Variants in NOTCH2 observed in about 807,000 individuals in gnomAD.
NOTCH2 encodes neurogenic locus notch homolog protein 2.
Under a neutral mutation model 235.8 loss-of-function variants are expected in NOTCH2, and 29 were observed. The observed-to-expected ratio is 0.12, with a 90% confidence interval of 0.09 to 0.17. The LOEUF (loss-of-function observed/expected upper bound fraction) is 0.17. Ranked by LOEUF, NOTCH2 falls within the 10% of genes least tolerant of loss-of-function variation. NOTCH2 has a pLI of 1.00. For synonymous variants in NOTCH2, 1,086 were observed against 1,141.5 expected, an observed-to-expected ratio of 0.95 and a Z score of 0.98; for missense variants, 2,285 against 3,150.2, an observed-to-expected ratio of 0.73 and a Z score of 6.57.
chr1:120,023,175 C>T (rs587607736), intron 2 of NOTCH2, among the ~76,000 whole-genome samples: 9 of 151,986 alleles, frequency 5.9e-5, no homozygotes, highest in East Asian at 5.8e-4. Context: ...TGGTGGCTCA[C>T]GCCTGTAATC....
intron 2 of NOTCH2, among the ~76,000 whole-genome samples, chr1:120,023,207 G>T (rs1653699064): frequency 6.6e-6 from 1 of 151,340 alleles, no homozygotes; most frequent in Non-Finnish European, 1.5e-5. Flanking sequence ...GGAGGCCGAG[G>T]CGGGCAGATC....
rs2101138146 is a variant in NOTCH2 at position 119,912,753 on chromosome 1, A to G, written c.*2553T>C. On this transcript the variant is annotated 3_prime_UTR_variant, in exon 34 of 34. Coordinates refer to ENST00000256646, the MANE Select transcript of NOTCH2 (RefSeq NM_024408.4). ...TCAGAACCCAAATGAGAAAGTGATT[A>G]TCCATCTTACCTTCCCTTTTATTAG... is the stretch of plus-strand genomic sequence containing the variant. The G allele has an allele frequency of 4.3e-6, 1 of 233,628 alleles. No individual in the cohort carries two copies. The highest frequency in any genetic ancestry group is 6.0e-5 in the East Asian group (1 of 16,544). The allele number at this position is 233,628 out of a possible 1,614,324, so 14.5% of individuals were successfully genotyped here.
intron 3 of NOTCH2, among the ~76,000 whole-genome samples, chr1:119,999,959 GAAAGAAAGAAAGA>G (rs1652665047): frequency 1.9e-4 from 24 of 129,424 alleles, no homozygotes; most frequent in East Asian, 4.2e-4. Flanking sequence ...AAGAAAGAAA[GAAAGAAAGAAAGA>G]AAGAAAGGAA....
intron 3 of NOTCH2, among the ~76,000 whole-genome samples, chr1:119,997,636 ACT>A (rs1361302392): frequency 1.3e-5 from 2 of 151,416 alleles, no homozygotes; most frequent in African/African-American, 4.9e-5. Flanking sequence ...GGATCCATCT[ACT>A]CTCTCAGAGC....
Position 119,915,350 on chromosome 1 carries a change from G to A in NOTCH2, c.7372C>T (p.His2458Tyr). ...TTGTTGTGTGGTGGCTCAGACATGT[G>A]TGTCCCAGGTCCCCGCTGACCTCCT... ...AGGGQRGPGT[H>Y]MSEPPHNNMQ... Residue 2458 changes from histidine (H) to tyrosine (Y), a missense_variant, in exon 34 of 34, where the codon CAC (histidine) becomes TAC (tyrosine). This residue lies in a region of NOTCH2 where 504 missense variants were observed against 538.0 expected (regional missense o/e 0.94). Transcript: ENST00000256646. 6.2e-7 allele frequency: 1 copy of A among 1,614,080 alleles called. No homozygotes were observed. Among genetic ancestry groups the A allele is most frequent in the Non-Finnish European group, 8.5e-7 (1 of 1,180,042 alleles).
chr1:120,010,810 C>T (rs1251557558), intron 2 of NOTCH2, among the ~76,000 whole-genome samples: 4 of 151,826 alleles, frequency 2.6e-5, no homozygotes, highest in Non-Finnish European at 5.9e-5. Flanking sequence ...AAACATATGC[C>T]CAGATAATAA....
intron 4 of NOTCH2, among the ~76,000 whole-genome samples, chr1:119,988,995 A>G (rs1412118219): frequency 6.6e-6 from 1 of 152,240 alleles, no homozygotes; most frequent in African/African-American, 2.4e-5. Context: ...TTTTCTTTTT[A>G]TAACTGATTG....
chr1:120,066,018 A>G (rs1655491772), intron 1 of NOTCH2, among the ~76,000 whole-genome samples: 1 of 151,730 alleles, frequency 6.6e-6, no homozygotes. Flanking sequence ...ACATTTAAGG[A>G]AAAAGAGATA....
intron 3 of NOTCH2, among the ~76,000 whole-genome samples, chr1:119,999,944 A>AAAGG (rs1652658903): frequency 3.3e-5 from 4 of 121,736 alleles, no homozygotes; most frequent in African/African-American, 8.2e-5. Flanking sequence ...AGAAAGAAAG[A>AAAGG]AAGAAAGAAA....
intron 1 of NOTCH2, among the ~76,000 whole-genome samples, chr1:120,035,471 G>A (rs1176810227): frequency 2.0e-5 from 3 of 152,182 alleles, no homozygotes; most frequent in Admixed American, 1.3e-4. Context: ...TGCATTCTCT[G>A]CCCAGTTTAT....
At chr1:120,015,354 G>T (rs1452771705) in intron 2 of NOTCH2, among the ~76,000 whole-genome samples, 88 of 152,060 alleles carry the variant, frequency 5.8e-4, no homozygotes, top group East Asian at 7.7e-4. Flanking sequence ...GAGCTCTAGA[G>T]GGGGGAGCTG....
rs1380143830 is a variant in NOTCH2, at chr1:119,926,554, C to G, written c.3950G>C (p.Gly1317Ala). ...CATGTTACTGGCCACAGCACAAGTC[C>G]CTCCATTCAGGCAGGGCATCTGGGG... ...VCPQMPCLNG[G>A]TCAVASNMPD... is the part of the protein sequence containing the mutation. Residue 1317 changes from glycine (G) to alanine (A), a missense_variant, in exon 24 of 34, where the codon GGG becomes GCG. By Grantham distance (60) the Gly-to-Ala change is moderately conservative. Coordinates refer to ENST00000256646, the MANE Select transcript of NOTCH2 (RefSeq NM_024408.4). The G allele has an allele frequency of 3.1e-6, 5 of 1,609,950 alleles. No individual in the cohort carries two copies. Among genetic ancestry groups the G allele is most frequent in the Non-Finnish European group, 4.2e-6 (5 of 1,177,872 alleles).
At position 119,917,098 on chromosome 1, in the gene NOTCH2, G is replaced by A. The variant is rs144654514; in HGVS notation, c.6028-404C>T. 9.7e-3 allele frequency among the ~76,000 whole-genome samples: 1,484 copies of A among 152,206 alleles called. 10 individuals carry two copies. The highest frequency in any genetic ancestry group is 0.015 in the Non-Finnish European group (1,052 of 68,004). Reference sequence around the variant, plus strand: ...GAAATAAGAAATAATAGGAAAAGGAGTTAGAAATAAGAAAGGTAGGAAGAG... The same window carrying A: ...GAAATAAGAAATAATAGGAAAAGGAATTAGAAATAAGAAAGGTAGGAAGAG... On this transcript the variant is annotated intron_variant, in intron 33 of 33. Coordinates refer to ENST00000256646, the MANE Select transcript of NOTCH2 (RefSeq NM_024408.4).
In NOTCH2 at chr1:119,960,507, C is replaced by A. The variant is rs147883338; in HGVS notation, c.1916-1005G>T. Among the ~76,000 whole-genome samples, 432 of 150,302 alleles carry A rather than the reference C, an allele frequency of 2.9e-3. 2 individuals carry two copies. Among genetic ancestry groups the A allele is most frequent in the African/African-American group, 0.01 (417 of 40,934 alleles). On this transcript the variant is annotated intron_variant, in intron 11 of 33. Coordinates refer to ENST00000256646, the MANE Select transcript of NOTCH2 (RefSeq NM_024408.4). ...AATATCTCTTTACAAATAATGGTAACAATATTTACTTTTTATTTTTGTATG... is the reference window on the plus strand; with the variant it reads ...AATATCTCTTTACAAATAATGGTAAAAATATTTACTTTTTATTTTTGTATG...
chr1:119,936,344 T>A (rs1027313380), intron 21 of NOTCH2, among the ~76,000 whole-genome samples: 1 of 152,152 alleles, frequency 6.6e-6, no homozygotes, highest in African/African-American at 2.4e-5. Context: ...AATCTCTGGG[T>A]CAGAGAGCTC....
chr1:119,918,593 T>G (rs375346497), intron 31 of NOTCH2, 40 bp from the exon 32 acceptor site: 1 of 1,607,842 alleles, frequency 6.2e-7, no homozygotes, highest in Non-Finnish European at 8.5e-7. Flanking sequence ...GTCACCTGGA[T>G]GAAGGAAAAT....
chr1:120,026,052 C>T lies in NOTCH2; in HGVS notation c.155+3854G>A, dbSNP rs1621324. On this transcript the variant is annotated intron_variant, in intron 2 of 33. Transcript: ENST00000256646. ...ATTGAGTTTTATGCAAGATTATACACGTTCTCCTAATCTGGCATCAAAATC... is the reference window on the plus strand; with the variant it reads ...ATTGAGTTTTATGCAAGATTATACATGTTCTCCTAATCTGGCATCAAAATC... Among the ~76,000 whole-genome samples the T allele has an allele frequency of 5.7e-5, 8 of 139,400 alleles. 1 individual carries two copies. Among genetic ancestry groups the T allele is most frequent in the East Asian group, 2.0e-4 (1 of 4,984 alleles). 91.5% of individuals were successfully genotyped at this position (139,400 alleles called of 152,430 possible). A position where few individuals can be genotyped will look rare whatever the true frequency, so the allele number is the denominator to read the frequency against.
chr1:119,966,838 G>A (rs1553199722), intron 8 of NOTCH2, among the ~76,000 whole-genome samples: 1 of 152,224 alleles, frequency 6.6e-6, no homozygotes. Flanking sequence ...AAGACAAGCT[G>A]AGCTGGAGCT....
At chr1:119,950,985 AG>A (rs1453346661) in intron 14 of NOTCH2, 148 bp from the exon 15 acceptor site, 5 of 697,938 alleles carry the variant, frequency 7.2e-6, no homozygotes, top group Non-Finnish European at 1.1e-5. Context: ...CATTCATTTC[AG>A]CCCCATGTCC....
Sources: allele counts gnomAD v4.1 joint callset (sites outside exome capture counted in the v4.1 genomes callset), GRCh38; gene constraint gnomAD v4.1.1; regional missense constraint gnomAD v4.1.1; transcripts MANE v1.5; gene names NCBI Gene and HGNC (gene_info 2026-07-23, HGNC 2026-07-21).